Variants in DAB1 observed in about 807,000 individuals in gnomAD.
The protein encoded by DAB1 is DAB adaptor protein 1, also known as disabled homolog 1.
A neutral mutation model predicts 64.6 loss-of-function variants in DAB1; 15 were observed. The observed-to-expected ratio is 0.23, with a 90% confidence interval of 0.16 to 0.36. The LOEUF (loss-of-function observed/expected upper bound fraction) is 0.36, where lower values mean the gene tolerates loss of function less well. Among genes scored for constraint, DAB1 ranks in the 10% least tolerant of loss-of-function variants. The pLI, the probability that DAB1 is intolerant of heterozygous loss-of-function variation, is 1.00. For missense variants in DAB1, 596 were observed against 706.7 expected (o/e 0.84, Z 1.78); for synonymous variants, 235 against 251.9 (o/e 0.93, Z 0.64).
intron 4 of DAB1, among the ~76,000 whole-genome samples, chr1:58,159,594 CAG>C (rs1557676260): frequency 6.6e-6 from 1 of 152,200 alleles, no homozygotes; most frequent in Non-Finnish European, 1.5e-5. Context: ...TGCAATGTAA[CAG>C]AGCCTATGGA....
intron 5 of DAB1, among the ~76,000 whole-genome samples, chr1:58,052,543 C>T (rs1570282540): frequency 6.6e-6 from 1 of 152,104 alleles, no homozygotes; most frequent in East Asian, 1.9e-4. Flanking sequence ...TTTTTGGTTC[C>T]ATATGAACTT....
At chr1:57,485,884 C>G (rs1236502715) in intron 7 of DAB1, among the ~76,000 whole-genome samples, 3 of 152,146 alleles carry the variant, frequency 2.0e-5, no homozygotes, top group African/African-American at 7.2e-5. Flanking sequence ...TTGTTATTCA[C>G]AAGATGATTC....
At chr1:58,367,330 T>A (rs1237121151) in intron 3 of DAB1, among the ~76,000 whole-genome samples, 1 of 152,176 alleles carries the variant, frequency 6.6e-6, no homozygotes, top group Non-Finnish European at 1.5e-5. Flanking sequence ...ATATCCACCA[T>A]AGAAAATGCC....
At chr1:57,611,105 A>C (rs150724228) in intron 7 of DAB1, among the ~76,000 whole-genome samples, 165 of 145,178 alleles carry the variant, frequency 1.1e-3, no homozygotes, top group African/African-American at 4.1e-3. Flanking sequence ...CTGCTCAGCT[A>C]TCTCACTGTT....
chr1:57,057,318 T>C (rs1009562206), intron 9 of DAB1, among the ~76,000 whole-genome samples: 1 of 152,172 alleles, frequency 6.6e-6, no homozygotes, highest in African/African-American at 2.4e-5. Flanking sequence ...ATAGAACCCC[T>C]CTTTTTGCCT....
At chr1:57,355,720 T>C (rs1454138219) in intron 1 of DAB1, among the ~76,000 whole-genome samples, 1 of 152,030 alleles carries the variant, frequency 6.6e-6, no homozygotes, top group African/African-American at 2.4e-5. Context: ...GGACCTGAAG[T>C]ATACTTTATT....
chr1:57,352,415 T>G (rs1678660451), intron 1 of DAB1, among the ~76,000 whole-genome samples: 1 of 152,174 alleles, frequency 6.6e-6, no homozygotes, highest in East Asian at 1.9e-4. Flanking sequence ...CCAAAATATG[T>G]TTTTTAAATG....
intron 6 of DAB1, among the ~76,000 whole-genome samples, chr1:57,653,193 C>T (rs1375006570): frequency 6.6e-6 from 1 of 151,954 alleles, no homozygotes; most frequent in Non-Finnish European, 1.5e-5. Context: ...ATAAGCAAAC[C>T]CTCCCATGAA....
At chr1:57,631,608 T>C (rs1479359118) in intron 7 of DAB1, among the ~76,000 whole-genome samples, 1 of 152,260 alleles carries the variant, frequency 6.6e-6, no homozygotes, top group Non-Finnish European at 1.5e-5. Flanking sequence ...ATCTATATGT[T>C]TTTGTATTTG....
At chr1:57,885,854 T>C (rs1644213686), upstream of DAB1, among the ~76,000 whole-genome samples, 1 of 151,930 alleles carries the variant, frequency 6.6e-6, no homozygotes, top group Non-Finnish European at 1.5e-5. Flanking sequence ...AAAAAATGAG[T>C]CTATAATCCC....
chr1:57,683,202 G>A (rs1281000204), intron 6 of DAB1, among the ~76,000 whole-genome samples: 1 of 152,168 alleles, frequency 6.6e-6, no homozygotes, highest in Non-Finnish European at 1.5e-5. Context: ...ATGGGCTGGC[G>A]TGGGAGCAAG....
chr1:58,412,489 T>C (rs746288092), intron 3 of DAB1, among the ~76,000 whole-genome samples: 1 of 152,236 alleles, frequency 6.6e-6, no homozygotes, highest in Non-Finnish European at 1.5e-5. Flanking sequence ...AACTCTTCCA[T>C]GACGATTGCA....
chr1:58,409,322 G>C (rs776476107), intron 3 of DAB1, among the ~76,000 whole-genome samples: 4 of 152,170 alleles, frequency 2.6e-5, no homozygotes, highest in Non-Finnish European at 5.9e-5. Flanking sequence ...GAAGTGATAT[G>C]CACAAAGTAA....
intron 3 of DAB1, among the ~76,000 whole-genome samples, chr1:58,378,187 A>G (rs576554266): frequency 2.5e-5 from 3 of 119,940 alleles, no homozygotes; most frequent in South Asian, 2.9e-4. Flanking sequence ...GCTTGTCAAA[A>G]TCATTCTCCA....
intron 1 of DAB1, among the ~76,000 whole-genome samples, chr1:57,341,183 C>A (rs1456802540): frequency 6.6e-6 from 1 of 152,110 alleles, no homozygotes; most frequent in Non-Finnish European, 1.5e-5. Flanking sequence ...GCAGTCCAAT[C>A]TCAAAATCTA....
chr1:57,372,242 T>C (rs1680557933), intron 1 of DAB1, among the ~76,000 whole-genome samples: 1 of 152,218 alleles, frequency 6.6e-6, no homozygotes, highest in Non-Finnish European at 1.5e-5. Flanking sequence ...CATAAACTGG[T>C]GTGTTTAATA....
chr1:57,769,106 A>G (rs1649448080), intron 6 of DAB1, among the ~76,000 whole-genome samples: 1 of 152,176 alleles, frequency 6.6e-6, no homozygotes, highest in Admixed American at 6.5e-5. Context: ...TCTCTTGCTC[A>G]TAGCAGAGGG....
chr1:58,211,391 C>A (rs534398951), intron 4 of DAB1, among the ~76,000 whole-genome samples: 33 of 152,168 alleles, frequency 2.2e-4, no homozygotes, highest in Non-Finnish European at 4.4e-4. Flanking sequence ...TGATTTTTCA[C>A]ATTTAGAAAT....
intron 4 of DAB1, among the ~76,000 whole-genome samples, chr1:57,077,603 T>C (rs544127106): frequency 6.6e-6 from 1 of 152,310 alleles, no homozygotes; most frequent in East Asian, 1.9e-4. Context: ...CATTAAATCT[T>C]TTTTTCTTTG....
Sources: allele counts gnomAD v4.1 joint callset (sites outside exome capture counted in the v4.1 genomes callset), GRCh38; gene constraint gnomAD v4.1.1; transcripts MANE v1.5; gene names NCBI Gene and HGNC (gene_info 2026-07-23, HGNC 2026-07-21).